PTPRM: variants seen among roughly 807,000 people sequenced by gnomAD.
The protein encoded by PTPRM is receptor-type tyrosine-protein phosphatase mu.
A neutral mutation model predicts 186.7 loss-of-function variants in PTPRM; 47 were observed. That is an observed-to-expected ratio of 0.25 (90% CI 0.20 to 0.32). The LOEUF (loss-of-function observed/expected upper bound fraction) is 0.32, where lower values mean the gene tolerates loss of function less well. Ranked by LOEUF, PTPRM falls within the 10% of genes least tolerant of loss-of-function variation. The pLI is 1.00. For synonymous variants in PTPRM, 668 were observed against 674.9 expected (o/e 0.99, Z 0.16); for missense variants, 1,494 against 1,865.0 (o/e 0.80, Z 3.66).
chr18:7,709,056 A>G (rs1351936759), intron 1 of PTPRM, among the ~76,000 whole-genome samples: 8 of 152,130 alleles, frequency 5.3e-5, no homozygotes, highest in African/African-American at 1.9e-4. Flanking sequence ...TGCTGCTTCT[A>G]CTTTTATATT....
intron 7 of PTPRM, among the ~76,000 whole-genome samples, chr18:7,983,722 T>C (rs1356962055): frequency 6.6e-6 from 1 of 152,192 alleles, no homozygotes; most frequent in African/African-American, 2.4e-5. Flanking sequence ...TATTTGCCTG[T>C]CTTCTTTGCC....
intron 24 of PTPRM, among the ~76,000 whole-genome samples, chr18:8,373,358 C>A (rs1400838967): frequency 6.6e-6 from 1 of 152,208 alleles, no homozygotes; most frequent in Non-Finnish European, 1.5e-5. Context: ...CTTTGGAACT[C>A]ATGAATTCCT....
chr18:8,237,263 A>G (rs1440959793), intron 14 of PTPRM, among the ~76,000 whole-genome samples: 1 of 152,066 alleles, frequency 6.6e-6, no homozygotes, highest in African/African-American at 2.4e-5. Context: ...TTTCTGCTAT[A>G]TCAATTAAGA....
At chr18:8,218,144 G>T (rs1200017971) in intron 14 of PTPRM, among the ~76,000 whole-genome samples, 2 of 152,116 alleles carry the variant, frequency 1.3e-5, no homozygotes, top group African/African-American at 2.4e-5. Flanking sequence ...ATGCAGTGGG[G>T]CGTGTGGAAG....
chr18:7,964,866 A>AG (rs35394999), intron 7 of PTPRM, among the ~76,000 whole-genome samples: 34,263 of 152,086 alleles, frequency 0.23, 4,200 homozygotes, highest in Non-Finnish European at 0.28. Flanking sequence ...ATAGTGACCC[A>AG]GGGTCCCTGT....
At chr18:7,922,030 A>G (rs1395989866) in intron 4 of PTPRM, among the ~76,000 whole-genome samples, 1 of 152,150 alleles carries the variant, frequency 6.6e-6, no homozygotes, top group Non-Finnish European at 1.5e-5. Context: ...ATTTTTGCTT[A>G]GAGCTTCTTT....
chr18:7,882,688 A>G (rs1485164332), intron 2 of PTPRM, among the ~76,000 whole-genome samples: 1 of 152,162 alleles, frequency 6.6e-6, no homozygotes, highest in African/African-American at 2.4e-5. Flanking sequence ...AAGCCATGTA[A>G]CTCTTTCTTC....
chr18:8,028,986 G>GAT (rs2085758745), intron 7 of PTPRM, among the ~76,000 whole-genome samples: 1 of 152,226 alleles, frequency 6.6e-6, no homozygotes, highest in African/African-American at 2.4e-5. Flanking sequence ...GGAAATGAAT[G>GAT]TGTAGGTCTT....
chr18:7,936,731 G>A (rs995749899), intron 5 of PTPRM, among the ~76,000 whole-genome samples: 2 of 152,176 alleles, frequency 1.3e-5, no homozygotes, highest in African/African-American at 2.4e-5. Flanking sequence ...CCTGCAGTTC[G>A]GGAGTGGGAA....
chr18:8,372,692 G>A (rs1328582482), intron 24 of PTPRM, among the ~76,000 whole-genome samples: 3 of 148,312 alleles, frequency 2.0e-5, no homozygotes, highest in Non-Finnish European at 4.4e-5. Context: ...ACACTTTGAT[G>A]TCAATTTTTT....
intron 23 of PTPRM, among the ~76,000 whole-genome samples, chr18:8,369,895 G>A (rs1030314770): frequency 2.6e-5 from 4 of 152,066 alleles, no homozygotes; most frequent in Admixed American, 6.6e-5. Flanking sequence ...GATTATAGTG[G>A]GCTGCGATCA....
chr18:8,325,149 T>C (rs755059174), intron 22 of PTPRM, among the ~76,000 whole-genome samples: 1 of 152,214 alleles, frequency 6.6e-6, no homozygotes, highest in Non-Finnish European at 1.5e-5. Flanking sequence ...GTCTACCTTG[T>C]AGGGAGCTAT....
At chr18:7,842,802 ATG>A (rs200344025) in intron 2 of PTPRM, among the ~76,000 whole-genome samples, 6 of 139,220 alleles carry the variant, frequency 4.3e-5, no homozygotes, top group Admixed American at 2.2e-4. Context: ...ACATATGTTT[ATG>A]TGTGTGTGTG....
At chr18:7,945,630 T>C (rs2052472882) in intron 5 of PTPRM, among the ~76,000 whole-genome samples, 1 of 152,200 alleles carries the variant, frequency 6.6e-6, no homozygotes, top group Admixed American at 6.5e-5. Context: ...GACTAAGACA[T>C]CCAGTCAGGT....
rs1428406869 is a variant in PTPRM, at chr18:8,003,873, T to C, written c.1132+48459T>C. On this transcript the variant is annotated intron_variant, in intron 7 of 32. Coordinates refer to ENST00000580170, the MANE Select transcript of PTPRM (RefSeq NM_001105244.2). ...CTGTGACCATTCTACTTAAAGAAACTTAGGGAAGAAGGAAGATAAATATTC... is the reference window on the plus strand; with the variant it reads ...CTGTGACCATTCTACTTAAAGAAACCTAGGGAAGAAGGAAGATAAATATTC... Among the ~76,000 whole-genome samples, 3 of 152,184 alleles carry C rather than the reference T, an allele frequency of 2.0e-5. No homozygotes were observed. The South Asian group carries it at 6.2e-4, about 32-fold the overall frequency.
At chr18:7,693,028 C>T (rs146780237) in intron 1 of PTPRM, among the ~76,000 whole-genome samples, 96 of 152,294 alleles carry the variant, frequency 6.3e-4, no homozygotes, top group African/African-American at 2.3e-3. Context: ...TTCACATGAG[C>T]ACCTTACCAA....
chr18:7,590,672 G>T (rs1447843994), intron 1 of PTPRM, among the ~76,000 whole-genome samples: 22 of 152,190 alleles, frequency 1.4e-4, no homozygotes, highest in African/African-American at 4.8e-5. Context: ...ATATTTAAGG[G>T]TGTGAGATAA....
At chr18:8,207,028 G>A (rs961032902) in intron 14 of PTPRM, among the ~76,000 whole-genome samples, 3 of 152,170 alleles carry the variant, frequency 2.0e-5, no homozygotes, top group African/African-American at 7.2e-5. Context: ...AGGGGGCATG[G>A]CTCTACCAGC....
intron 14 of PTPRM, among the ~76,000 whole-genome samples, chr18:8,198,356 C>T (rs1280141609): frequency 6.6e-6 from 1 of 152,070 alleles, no homozygotes; most frequent in Non-Finnish European, 1.5e-5. Context: ...GCCATGTTGC[C>T]CAGGCTGGTC....
Sources: allele counts gnomAD v4.1 joint callset (sites outside exome capture counted in the v4.1 genomes callset), GRCh38; gene constraint gnomAD v4.1.1; transcripts MANE v1.5; gene names NCBI Gene and HGNC (gene_info 2026-07-23, HGNC 2026-07-21).